Variants in COL25A1 observed in about 807,000 individuals in gnomAD.
The protein encoded by COL25A1 is collagen alpha-1(XXV) chain.
In COL25A1, 103 loss-of-function variants were observed where a neutral mutation model predicts 128.4. The ratio of observed to expected loss-of-function variants is 0.80; its 90% confidence interval spans 0.68 to 0.94. The LOEUF (loss-of-function observed/expected upper bound fraction) is 0.94, where lower values mean the gene tolerates loss of function less well. Ranked by LOEUF, COL25A1 falls within the 40% of genes least tolerant of loss-of-function variation. The probability of loss-of-function intolerance (pLI) is 0.00; values close to 1 mark genes in which losing one functional copy is unlikely to be tolerated. For synonymous variants in COL25A1, 279 were observed against 277.2 expected, an observed-to-expected ratio of 1.01 and a Z score of -0.06; for missense variants, 745 against 840.0, an observed-to-expected ratio of 0.89 and a Z score of 1.40.
chr4:109,048,151 GC>G lies in COL25A1; in HGVS notation c.420+16del. The G allele has an allele frequency of 1.2e-6, 2 of 1,612,370 alleles. No homozygotes were observed. Among genetic ancestry groups the G allele is most frequent in the Non-Finnish European group, 1.7e-6 (2 of 1,178,570 alleles). ...CTGATAAATGCAAACAAGCCAAAGTGCAGCAAACATACTTACAGGAGGACCT... is the reference window on the plus strand; with the variant it reads ...CTGATAAATGCAAACAAGCCAAAGTGAGCAAACATACTTACAGGAGGACCT... On this transcript the variant is annotated intron_variant, in intron 5 of 37. Coordinates refer to ENST00000399132, the MANE Select transcript of COL25A1 (RefSeq NM_198721.4).
In COL25A1 at chr4:108,817,413, G is replaced by C; in HGVS notation, c.1946C>G (p.Pro649Arg). Residue 649 changes from proline (P) to arginine (R), a missense_variant, in exon 37 of 38, where the codon CCT becomes CGT. Around this residue, in one of 3 missense-constraint regions of COL25A1, gnomAD observed 387 missense variants for 441.9 expected, o/e 0.88. Coordinates refer to ENST00000399132, the MANE Select transcript of COL25A1 (RefSeq NM_198721.4). ...AAAGCCTACCTTTTGCCAACAGCCA[G>C]GCATGGGTAAGCCATCTGGCCCCTG... is the stretch of plus-strand genomic sequence containing the variant. ...CQLGPDGLPM[P>R]GCWQK is the part of the protein sequence containing the mutation. 6.2e-7 allele frequency: 1 copy of C among 1,613,392 alleles called. No homozygotes were observed. The highest frequency in any genetic ancestry group is 8.5e-7 in the Non-Finnish European group (1 of 1,179,488).
chr4:108,867,659 T>C (rs1293108350), intron 20 of COL25A1, among the ~76,000 whole-genome samples: 1 of 152,174 alleles, frequency 6.6e-6, no homozygotes, highest in African/African-American at 2.4e-5. Context: ...CATATTTCTG[T>C]AACTCTTGGA....
intron 8 of COL25A1, among the ~76,000 whole-genome samples, chr4:108,960,850 G>A (rs887122042): frequency 2.0e-5 from 3 of 152,054 alleles, no homozygotes; most frequent in Non-Finnish European, 2.9e-5. Flanking sequence ...TCTTTGATGC[G>A]ATCATCAAGA....
intron 35 of COL25A1, among the ~76,000 whole-genome samples, chr4:108,820,666 A>G (rs545250365): frequency 6.6e-6 from 1 of 152,084 alleles, no homozygotes; most frequent in African/African-American, 2.4e-5. Flanking sequence ...ATCTCATGCC[A>G]TGTATTTACA....
intron 8 of COL25A1, among the ~76,000 whole-genome samples, chr4:108,955,264 A>T (rs1287013033): frequency 1.3e-5 from 2 of 152,152 alleles, no homozygotes; most frequent in Non-Finnish European, 2.9e-5. Flanking sequence ...GCTTCATAAC[A>T]TTATAAAGAG....
intron 3 of COL25A1, among the ~76,000 whole-genome samples, chr4:109,217,370 C>T (rs1778069625): frequency 6.6e-6 from 1 of 151,970 alleles, no homozygotes; most frequent in Non-Finnish European, 1.5e-5. Flanking sequence ...ATTTGAAATA[C>T]AAAACAGACA....
intron 3 of COL25A1, among the ~76,000 whole-genome samples, chr4:109,125,266 C>A (rs958141005): frequency 1.3e-5 from 2 of 152,092 alleles, no homozygotes; most frequent in Non-Finnish European, 2.9e-5. Flanking sequence ...CAAATGATGA[C>A]AAGGACTTTT....
At chr4:109,181,553 C>T (rs1241362137) in intron 3 of COL25A1, among the ~76,000 whole-genome samples, 1 of 151,808 alleles carries the variant, frequency 6.6e-6, no homozygotes, top group Non-Finnish European at 1.5e-5. Context: ...AAACAATATA[C>T]CGTATTAGTT....
intron 11 of COL25A1, among the ~76,000 whole-genome samples, chr4:108,932,139 G>A (rs1369131711): frequency 6.6e-6 from 1 of 152,160 alleles, no homozygotes; most frequent in Non-Finnish European, 1.5e-5. Context: ...GCCATCTGCT[G>A]ATCAAGATAG....
chr4:108,958,949 T>C (rs1190078758), intron 8 of COL25A1, among the ~76,000 whole-genome samples: 1 of 152,136 alleles, frequency 6.6e-6, no homozygotes, highest in African/African-American at 2.4e-5. Context: ...TATGTAATTA[T>C]GTTAAAGGCA....
At chr4:108,861,928 G>T (rs1025905172) in intron 22 of COL25A1, among the ~76,000 whole-genome samples, 3 of 152,116 alleles carry the variant, frequency 2.0e-5, no homozygotes, top group African/African-American at 7.2e-5. Flanking sequence ...TAATAAATTT[G>T]CTATGAATGA....
intron 8 of COL25A1, among the ~76,000 whole-genome samples, chr4:108,944,794 G>T (rs1442700805): frequency 1.3e-5 from 2 of 152,084 alleles, no homozygotes; most frequent in Admixed American, 6.5e-5. Context: ...ACCTCAGAAA[G>T]ACCTTTTTCC....
chr4:108,877,621 G>C (rs1739606710), intron 19 of COL25A1, among the ~76,000 whole-genome samples: 1 of 151,560 alleles, frequency 6.6e-6, no homozygotes, highest in African/African-American at 2.4e-5. Context: ...TGAGATAGCA[G>C]CTTAAATACT....
chr4:109,263,590 G>A (rs780218713), intron 3 of COL25A1, among the ~76,000 whole-genome samples: 6 of 152,122 alleles, frequency 3.9e-5, no homozygotes, highest in Admixed American at 6.5e-5. Flanking sequence ...ATCAATTGCC[G>A]TGGAAAACTA....
chr4:109,230,948 G>A (rs1779125301), intron 3 of COL25A1, among the ~76,000 whole-genome samples: 1 of 152,086 alleles, frequency 6.6e-6, no homozygotes, highest in Non-Finnish European at 1.5e-5. Context: ...AGACCATGCT[G>A]GCCAACATGG....
At chr4:109,077,501 CAGCTA>C (rs1360676759) in intron 3 of COL25A1, among the ~76,000 whole-genome samples, 4 of 146,030 alleles carry the variant, frequency 2.7e-5, no homozygotes, top group Non-Finnish European at 6.0e-5. Flanking sequence ...TTACTTTCTT[CAGCTA>C]ACACTGACAG....
At chr4:109,036,207 A>G (rs1374304492) in intron 5 of COL25A1, among the ~76,000 whole-genome samples, 2 of 152,086 alleles carry the variant, frequency 1.3e-5, no homozygotes, top group African/African-American at 2.4e-5. Context: ...GATTACAGGC[A>G]TGAGCTACCA....
At chr4:109,254,505 A>ATATATATATATATATATATATGTGTG (rs1383703429) in intron 3 of COL25A1, among the ~76,000 whole-genome samples, 1 of 104,992 alleles carries the variant, frequency 9.5e-6, no homozygotes, top group African/African-American at 3.4e-5. Flanking sequence ...ATATATATAT[A>ATATATATATATATATATATATGTGTG]TGTATGTGTG....
intron 6 of COL25A1, among the ~76,000 whole-genome samples, chr4:108,982,292 A>C (rs1753063465): frequency 6.6e-6 from 1 of 152,220 alleles, no homozygotes; most frequent in African/African-American, 2.4e-5. Context: ...GACGGTGGAA[A>C]TATTTCGAGA....
Sources: allele counts gnomAD v4.1 joint callset (sites outside exome capture counted in the v4.1 genomes callset), GRCh38; gene constraint gnomAD v4.1.1; regional missense constraint gnomAD v4.1.1; transcripts MANE v1.5; gene names NCBI Gene and HGNC (gene_info 2026-07-23, HGNC 2026-07-21).